PLEKHA8: variants seen among roughly 807,000 people sequenced by gnomAD.
PLEKHA8 encodes the protein pleckstrin homology domain containing A8, also known as pleckstrin homology domain-containing family A member 8.
A neutral mutation model predicts 68.2 loss-of-function variants in PLEKHA8; 36 were observed. The observed-to-expected ratio is 0.53, with a 90% CI of 0.40 to 0.70. The LOEUF is 0.70. Ranked by LOEUF, PLEKHA8 falls within the 30% of genes least tolerant of loss-of-function variation. The probability of loss-of-function intolerance (pLI) is 0.00; values close to 1 mark genes in which losing one functional copy is unlikely to be tolerated. For synonymous variants in PLEKHA8, 211 were observed against 216.1 expected (o/e 0.98, Z 0.20); for missense variants, 505 against 615.4 (o/e 0.82, Z 1.90).
intron 11 of PLEKHA8, 149 bp downstream of exon 11, chr7:30,062,176 C>T (rs1793496099): frequency 3.2e-6 from 3 of 925,132 alleles, no homozygotes. Flanking sequence ...AATAATACCA[C>T]CTTATTTTTT....
chr7:30,078,956 T>A lies in PLEKHA8; in HGVS notation c.*169T>A. 1 of 1,418,170 alleles carries A rather than the reference T, an allele frequency of 7.1e-7. No individual in the cohort carries two copies. Among genetic ancestry groups the A allele is most frequent in the Non-Finnish European group, 9.2e-7 (1 of 1,090,298 alleles). 87.8% of individuals were successfully genotyped at this position (1,418,170 alleles called of 1,614,324 possible). A position where few individuals can be genotyped will look rare whatever the true frequency, so the allele number is the denominator to read the frequency against. On this transcript the variant is annotated 3_prime_UTR_variant, in exon 14 of 14. Transcript: ENST00000449726. ...TATAATTTTTAAAATGCATATGTGT[T>A]TTGTTTAAAGATCAAGGTGCTATAT...
intron 13 of PLEKHA8, among the ~76,000 whole-genome samples, chr7:30,125,460 C>T (rs926498445): frequency 7.9e-5 from 12 of 152,180 alleles, no homozygotes; most frequent in Non-Finnish European, 1.5e-4. Flanking sequence ...GAGGAAATCC[C>T]TGGAGATTTA....
Position 30,083,417 on chromosome 7 carries a change from T to C in PLEKHA8, c.*4630T>C. The C allele has an allele frequency of 2.0e-6, 2 of 985,022 alleles. No homozygotes were observed. The highest frequency in any genetic ancestry group is 9.4e-5 in the South Asian group (2 of 21,286). The allele number at this position is 985,022 out of a possible 1,614,324, so 61.0% of individuals were successfully genotyped here. On this transcript the variant is annotated 3_prime_UTR_variant, in exon 14 of 14. Coordinates refer to ENST00000449726, the MANE Select transcript of PLEKHA8 (RefSeq NM_001197026.2). ...GGAGTTCTTTCAACAATTCCATAAA[T>C]ATACTGTTTACTAGACCTTCCCTGT...
At position 30,083,442 on chromosome 7, in the gene PLEKHA8, TA is replaced by T; in HGVS notation, c.*4658del. On this transcript the variant is annotated 3_prime_UTR_variant, in exon 14 of 14. Transcript: ENST00000449726. ...TATACTGTTTACTAGACCTTCCCTG[TA>T]AATGTTCCCAATTCCCATCCTGTCT... 1 of 985,272 alleles carries T rather than the reference TA, an allele frequency of 1.0e-6. No individual in the cohort carries two copies. Among genetic ancestry groups the T allele is most frequent in the Non-Finnish European group, 1.2e-6 (1 of 829,812 alleles). 61.0% of individuals were successfully genotyped at this position (985,272 alleles called of 1,614,324 possible). A position where few individuals can be genotyped will look rare whatever the true frequency, so the allele number is the denominator to read the frequency against.
intron 13 of PLEKHA8, among the ~76,000 whole-genome samples, chr7:30,102,770 A>G (rs1451711160): frequency 3.9e-5 from 6 of 152,250 alleles, no homozygotes; most frequent in Admixed American, 3.9e-4. Context: ...GAGGGCACCC[A>G]GGTGTGGTGG....
Position 30,047,944 on chromosome 7 carries a change from G to A in PLEKHA8, c.426G>A (p.Val142=). 6.8e-7 allele frequency: 1 copy of A among 1,474,208 alleles called. No individual in the cohort carries two copies. The highest frequency in any genetic ancestry group is 9.0e-7 in the Non-Finnish European group (1 of 1,109,170). 91.3% of individuals were successfully genotyped at this position (1,474,208 alleles called of 1,614,324 possible). ...CAAAAGAAGTGACCACAACTGGTGT[G>A]TCCAATTCTGAGGTAAAATATTATT... ...DKTKEVTTTG[V]SNSEEGIDVG... The change falls in exon 4 of 14, where the codon GTG becomes GTA. Residue 142 remains valine, a synonymous_variant. Coordinates refer to ENST00000449726, the MANE Select transcript of PLEKHA8 (RefSeq NM_001197026.2).
At chr7:30,051,241 A>G (rs1379840431) in intron 6 of PLEKHA8, among the ~76,000 whole-genome samples, 1 of 152,098 alleles carries the variant, frequency 6.6e-6, no homozygotes. Flanking sequence ...ACTATTGCTT[A>G]CTTCTTTATT....
downstream of PLEKHA8, among the ~76,000 whole-genome samples, chr7:30,091,477 AT>A (rs201347059): frequency 9.4e-5 from 14 of 149,052 alleles, no homozygotes; most frequent in East Asian, 1.2e-3. Flanking sequence ...ATCTCACTAC[AT>A]TTTTTTTTCG....
At chr7:30,061,014 C>A in intron 10 of PLEKHA8, 72 bp downstream of exon 10, 2 of 1,435,956 alleles carry the variant, frequency 1.4e-6, no homozygotes, top group Non-Finnish European at 1.9e-6. Context: ...TTGTGCTTGG[C>A]CAGAATAAAT....
At position 30,080,825 on chromosome 7, in the gene PLEKHA8, A is replaced by T; in HGVS notation, c.*2038A>T. On this transcript the variant is annotated 3_prime_UTR_variant, in exon 14 of 14. Transcript: ENST00000449726. ...CGGGGATAGTCCCTGCCCTTGACAT[A>T]GCCCCCTAAAACGGAAAAAGAAAAA... 1 of 985,398 alleles carries T rather than the reference A, an allele frequency of 1.0e-6. No individual in the cohort carries two copies. Among genetic ancestry groups the T allele is most frequent in the Middle Eastern group, 5.2e-4 (1 of 1,914 alleles). The allele number at this position is 985,398 out of a possible 1,614,324, so 61.0% of individuals were successfully genotyped here.
intron 11 of PLEKHA8, 117 bp from the exon 12 acceptor site, chr7:30,062,555 T>A (rs1793521829): frequency 2.7e-6 from 2 of 734,116 alleles, no homozygotes; most frequent in African/African-American, 3.5e-5. Context: ...TGATTTGACC[T>A]ATTCACTGCT....
At chr7:30,110,114 A>G (rs1257823143) in intron 13 of PLEKHA8, among the ~76,000 whole-genome samples, 1 of 152,124 alleles carries the variant, frequency 6.6e-6, no homozygotes, top group African/African-American at 2.4e-5. Flanking sequence ...CCTTACCATA[A>G]TCTAAGTTTA....
chr7:30,092,625 G>A (rs575451653), downstream of PLEKHA8, among the ~76,000 whole-genome samples: 4 of 152,130 alleles, frequency 2.6e-5, no homozygotes, highest in Non-Finnish European at 5.9e-5. Context: ...CTGTTTTTCT[G>A]CCTTCATCTC....
At chr7:30,085,187 C>T (rs914614944), downstream of PLEKHA8, among the ~76,000 whole-genome samples, 2 of 152,112 alleles carry the variant, frequency 1.3e-5, no homozygotes, top group African/African-American at 4.8e-5. Flanking sequence ...GATCCGCCCA[C>T]CTCAGCCTCT....
Position 30,047,855 on chromosome 7 carries a change from T to G in PLEKHA8, c.337T>G (p.Leu113Val). 2 of 1,610,120 alleles carry G rather than the reference T, an allele frequency of 1.2e-6. No homozygotes were observed. The highest frequency in any genetic ancestry group is 1.7e-6 in the Non-Finnish European group (2 of 1,177,856). ...EKEFAENTEN[L>V]KTKMSELRLY... is the part of the protein sequence containing the mutation. ...AGAGTTTGCTGAAAACACTGAAAACTTGAAAACCAAAATGTCAGAACTAAG... is the reference window on the plus strand; with the variant it reads ...AGAGTTTGCTGAAAACACTGAAAACGTGAAAACCAAAATGTCAGAACTAAG... The change falls in exon 4 of 14, where the codon TTG (leucine) becomes GTG (valine). Residue 113 changes from leucine to valine, a missense_variant. Leu to Val is a conservative substitution (Grantham distance 32). Transcript: ENST00000449726.
At chr7:30,031,595 T>A (rs1790670289) in intron 1 of PLEKHA8, among the ~76,000 whole-genome samples, 1 of 152,144 alleles carries the variant, frequency 6.6e-6, no homozygotes, top group Non-Finnish European at 1.5e-5. Context: ...CCTCATAGGC[T>A]GGTTTAAACA....
intron 13 of PLEKHA8, among the ~76,000 whole-genome samples, chr7:30,102,772 G>C (rs1795897874): frequency 6.6e-6 from 1 of 152,234 alleles, no homozygotes; most frequent in African/African-American, 2.4e-5. Flanking sequence ...GGGCACCCAG[G>C]TGTGGTGGCT....
intron 12 of PLEKHA8, among the ~76,000 whole-genome samples, chr7:30,067,579 C>T (rs1793942242): frequency 6.6e-6 from 1 of 152,216 alleles, no homozygotes; most frequent in Admixed American, 6.5e-5. Flanking sequence ...TCCTTAATCC[C>T]GTGACTCCCA....
At chr7:30,095,680 C>G (rs1795587066), downstream of PLEKHA8, among the ~76,000 whole-genome samples, 1 of 152,164 alleles carries the variant, frequency 6.6e-6, no homozygotes, top group African/African-American at 2.4e-5. Context: ...AATCTTTAAT[C>G]CATCTTGAAT....
Sources: gnomAD v4.1 joint callset for allele counts (sites outside exome capture counted in the v4.1 genomes callset) on GRCh38, gnomAD v4.1.1 for gene constraint, MANE v1.5 for transcripts, NCBI Gene and HGNC (gene_info 2026-07-23, HGNC 2026-07-21) for gene names.